Variants in RNF180 observed in about 807,000 individuals in gnomAD.
The protein encoded by RNF180 is ring finger protein 180.
RNF180 carries 38 observed loss-of-function variants against 59.2 expected under a neutral mutation model. The observed-to-expected ratio is 0.64, with a 90% CI of 0.50 to 0.84. RNF180 has a LOEUF of 0.84. Ranked by LOEUF, RNF180 falls within the 40% of genes least tolerant of loss-of-function variation. The probability of loss-of-function intolerance (pLI) is 0.00; values close to 1 mark genes in which losing one functional copy is unlikely to be tolerated. For synonymous variants in RNF180, 262 were observed against 240.3 expected, an observed-to-expected ratio of 1.09 and a Z score of -0.84; for missense variants, 705 against 700.9, an observed-to-expected ratio of 1.01 and a Z score of -0.07.
chr5:64,221,889 T>C (rs1360032327), intron 5 of RNF180, among the ~76,000 whole-genome samples: 1 of 152,216 alleles, frequency 6.6e-6, no homozygotes, highest in African/African-American at 2.4e-5. Context: ...ATATCTTACA[T>C]TAGTATGATA....
rs1424102364 is a variant in RNF180, at chr5:64,174,991, G to A, written c.-1+9038G>A. 9.8e-5 allele frequency among the ~76,000 whole-genome samples: 11 copies of A among 111,942 alleles called. No homozygotes were observed. The South Asian group carries it at 1.3e-3, about 13-fold the overall frequency. The allele number at this position is 111,942 out of a possible 152,430, so 73.4% of individuals were successfully genotyped here. A position where few individuals can be genotyped will look rare whatever the true frequency, so the allele number is the denominator to read the frequency against. ...TTTTTTTTTTTTTTTTTTTTGAGAC[G>A]GAGTCTCGCTCTGTCCCCCAGGCTG... On this transcript the variant is annotated intron_variant, in intron 1 of 7. Transcript: ENST00000389100.
At chr5:64,246,139 G>A (rs185220863) in intron 5 of RNF180, among the ~76,000 whole-genome samples, 1 of 152,274 alleles carries the variant, frequency 6.6e-6, no homozygotes, top group Admixed American at 6.5e-5. Context: ...GAAATTTATA[G>A]CACTAAATGT....
Position 64,214,114 on chromosome 5 carries a change from CT to C in RNF180, c.789del (p.Ile264LeufsTer51). 1 of 1,614,028 alleles carries C rather than the reference CT, an allele frequency of 6.2e-7. No homozygotes were observed. The highest frequency in any genetic ancestry group is 8.5e-7 in the Non-Finnish European group (1 of 1,179,970). On this transcript the variant is annotated frameshift_variant, in exon 4 of 8. Transcript: ENST00000389100. LOFTEE classifies it high-confidence loss of function. ...TAYSRLNETQ[P>X]IDLSGLPLQS... Reference sequence around the variant, plus strand: ...TATTCCAGACTAAATGAAACACAGCCTATTGACCTTTCAGGCTTGCCTTTAC... The same window carrying C: ...TATTCCAGACTAAATGAAACACAGCCATTGACCTTTCAGGCTTGCCTTTAC...
intron 1 of RNF180, among the ~76,000 whole-genome samples, chr5:64,174,279 T>A (rs1750109152): frequency 6.6e-6 from 1 of 152,192 alleles, no homozygotes; most frequent in African/African-American, 2.4e-5. Flanking sequence ...GGAGTGCTGA[T>A]GTCTCTTCAG....
chr5:64,363,937 C>G (rs1467619071), intron 7 of RNF180, among the ~76,000 whole-genome samples: 2 of 151,482 alleles, frequency 1.3e-5, no homozygotes, highest in African/African-American at 4.8e-5. Context: ...TATTGAGTTT[C>G]TATCTTGAGA....
intron 5 of RNF180, among the ~76,000 whole-genome samples, chr5:64,256,794 G>A (rs1174251516): frequency 6.6e-6 from 1 of 152,174 alleles, no homozygotes; most frequent in Non-Finnish European, 1.5e-5. Context: ...ACCTTGGGCA[G>A]TATGGCCACT....
intron 5 of RNF180, among the ~76,000 whole-genome samples, chr5:64,229,566 T>G (rs889981738): frequency 1.3e-5 from 2 of 152,244 alleles, no homozygotes; most frequent in African/African-American, 4.8e-5. Context: ...TAGCTAAGAA[T>G]CTGTCAATGC....
chr5:64,272,128 G>A (rs910092013), intron 5 of RNF180, among the ~76,000 whole-genome samples: 1 of 152,028 alleles, frequency 6.6e-6, no homozygotes, highest in Non-Finnish European at 1.5e-5. Context: ...AGTGAGAGTG[G>A]CACACATTAA....
chr5:64,257,127 A>T (rs112303768), intron 5 of RNF180, among the ~76,000 whole-genome samples: 2 of 152,310 alleles, frequency 1.3e-5, no homozygotes, highest in South Asian at 4.1e-4. Flanking sequence ...TTTTTTAGAT[A>T]TACAATCATG....
chr5:64,209,078 T>C (rs1337510642), intron 2 of RNF180, among the ~76,000 whole-genome samples: 1 of 152,024 alleles, frequency 6.6e-6, no homozygotes, highest in Admixed American at 6.6e-5. Context: ...CTAAAAACTA[T>C]AGTATTTTAT....
upstream of RNF180, among the ~76,000 whole-genome samples, chr5:64,165,632 T>C (rs1749581342): frequency 6.6e-6 from 1 of 152,186 alleles, no homozygotes; most frequent in Admixed American, 6.5e-5. Flanking sequence ...CGGTTCCGTC[T>C]GGCCCGCGGC....
At chr5:64,353,946 A>G (rs1046766927) in intron 7 of RNF180, among the ~76,000 whole-genome samples, 1 of 151,736 alleles carries the variant, frequency 6.6e-6, no homozygotes, top group Non-Finnish European at 1.5e-5. Flanking sequence ...AAAATATGGC[A>G]TACCGAAAAT....
chr5:64,217,279 T>G (rs1471237427), intron 4 of RNF180, 82 bp from the exon 5 acceptor site: 8 of 1,311,976 alleles, frequency 6.1e-6, no homozygotes, highest in African/African-American at 1.5e-5. Flanking sequence ...TGGATTGTTT[T>G]AGGTTTTGCA....
At chr5:64,269,209 T>TATGTATTC (rs1744862976) in intron 5 of RNF180, among the ~76,000 whole-genome samples, 1 of 152,194 alleles carries the variant, frequency 6.6e-6, no homozygotes, top group Non-Finnish European at 1.5e-5. Flanking sequence ...TGTCTTCATT[T>TATGTATTC]ATGTATTCTC....
At chr5:64,323,706 G>C (rs1744488254) in intron 5 of RNF180, among the ~76,000 whole-genome samples, 1 of 152,138 alleles carries the variant, frequency 6.6e-6, no homozygotes, top group African/African-American at 2.4e-5. Flanking sequence ...GGGTAGAGAA[G>C]TATGGCCGTG....
At chr5:64,293,050 A>C (rs1419056507) in intron 5 of RNF180, among the ~76,000 whole-genome samples, 1 of 152,182 alleles carries the variant, frequency 6.6e-6, no homozygotes, top group Non-Finnish European at 1.5e-5. Context: ...ACTCTGTCTC[A>C]GGCAGTTTTC....
At chr5:64,357,495 T>C (rs1746076491) in intron 7 of RNF180, among the ~76,000 whole-genome samples, 1 of 151,872 alleles carries the variant, frequency 6.6e-6, no homozygotes, top group Non-Finnish European at 1.5e-5. Flanking sequence ...AAAATGTCTT[T>C]CAAATATGTT....
intron 5 of RNF180, 82 bp downstream of exon 5, chr5:64,217,478 G>T: frequency 3.8e-6 from 5 of 1,315,128 alleles, no homozygotes; most frequent in Non-Finnish European, 4.8e-6. Flanking sequence ...AAGCAGCAAA[G>T]ACTTCCATTT....
At chr5:64,352,661 A>G (rs879821272) in intron 7 of RNF180, among the ~76,000 whole-genome samples, 62 of 151,998 alleles carry the variant, frequency 4.1e-4, no homozygotes, top group Admixed American at 7.2e-4. Flanking sequence ...AAAGGATTTT[A>G]AAGTAAGATA....
Sources: gnomAD v4.1 joint callset for allele counts (sites outside exome capture counted in the v4.1 genomes callset) on GRCh38, gnomAD v4.1.1 for gene constraint, MANE v1.5 for transcripts, NCBI Gene and HGNC (gene_info 2026-07-23, HGNC 2026-07-21) for gene names.